POLA1: variants seen among roughly 807,000 people sequenced by gnomAD.
The protein encoded by POLA1 is DNA polymerase alpha catalytic subunit.
Under a neutral mutation model 124.0 loss-of-function variants are expected in POLA1, and 15 were observed. That is an observed-to-expected ratio of 0.12 (90% CI 0.08 to 0.19). POLA1 has a LOEUF of 0.19. Ranked by LOEUF, POLA1 falls within the 10% of genes least tolerant of loss-of-function variation. The pLI, the probability that POLA1 is intolerant of heterozygous loss-of-function variation, is 1.00. For synonymous variants in POLA1, 408 were observed against 389.4 expected (o/e 1.05, Z -0.56); for missense variants, 886 against 1,103.4 (o/e 0.80, Z 2.79).
chrX:24,914,520 C>G (rs1207980010), intron 35 of POLA1, among the ~76,000 whole-genome samples: 15 of 101,963 alleles, frequency 1.5e-4, no homozygotes, highest in Middle Eastern at 4.7e-3. Flanking sequence ...CATCTCCCCC[C>G]ACCCCCGCAA....
At chrX:24,951,689 T>C (rs897704796) in intron 36 of POLA1, among the ~76,000 whole-genome samples, 7 of 111,627 alleles carry the variant, frequency 6.3e-5, no homozygotes, top group African/African-American at 2.3e-4. Context: ...CATCTTAAAA[T>C]ATTAGTTATT....
At chrX:24,700,254 C>G (rs2148306675) in intron 2 of POLA1, among the ~76,000 whole-genome samples, 1 of 110,121 alleles carries the variant, frequency 9.1e-6, no homozygotes, top group African/African-American at 3.3e-5. Flanking sequence ...TTCATTTAAT[C>G]TTTTCAATAA....
chrX:24,841,539 C>A (rs1176567870), intron 32 of POLA1, 113 bp from the exon 33 acceptor site: 2 of 409,877 alleles, frequency 4.9e-6, no homozygotes, highest in East Asian at 4.2e-5. Flanking sequence ...CTTTTGAGTT[C>A]AAATGGTTGT....
chrX:24,856,271 G>A (rs1231471235), intron 34 of POLA1, among the ~76,000 whole-genome samples: 3 of 111,765 alleles, frequency 2.7e-5, no homozygotes. Flanking sequence ...TTGTCTTTTC[G>A]AGAATGTCAT....
intron 34 of POLA1, among the ~76,000 whole-genome samples, chrX:24,862,824 G>A (rs2046735914): frequency 8.9e-6 from 1 of 112,182 alleles, no homozygotes; most frequent in Non-Finnish European, 1.9e-5. Flanking sequence ...AATTTTAATG[G>A]ATGAATGAAT....
At position 24,955,873 on chromosome X, in the gene POLA1, A is replaced by G. The variant is rs148382888; in HGVS notation, c.4261+25324A>G. ...GTTTGTTATATTGTAGTTTTCAATAACAAGAGACACCTAAAACCATTTTTT... is the reference window on the plus strand; with the variant it reads ...GTTTGTTATATTGTAGTTTTCAATAGCAAGAGACACCTAAAACCATTTTTT... On this transcript the variant is annotated intron_variant, in intron 36 of 36. Transcript: ENST00000379068. Among the ~76,000 whole-genome samples the G allele has an allele frequency of 2.7e-3, 305 of 112,511 alleles. 2 individuals are homozygous for G. Among genetic ancestry groups the G allele is most frequent in the African/African-American group, 8.7e-3 (270 of 30,982 alleles).
At chrX:24,872,212 A>T (rs73471547) in intron 34 of POLA1, among the ~76,000 whole-genome samples, 6,524 of 111,779 alleles carry the variant, frequency 0.058, 456 homozygotes, top group African/African-American at 0.2. Flanking sequence ...ACTATCACAG[A>T]CAAAAAATTT....
At chrX:24,829,710 G>A (rs2046232922) in intron 32 of POLA1, among the ~76,000 whole-genome samples, 1 of 112,234 alleles carries the variant, frequency 8.9e-6, no homozygotes, top group African/African-American at 3.2e-5. Context: ...CGAGGCCCCT[G>A]TTATCAGTTC....
At chrX:24,927,885 A>G (rs2047718181) in intron 35 of POLA1, among the ~76,000 whole-genome samples, 1 of 112,327 alleles carries the variant, frequency 8.9e-6, no homozygotes, top group South Asian at 3.7e-4. Flanking sequence ...AGAATTTATC[A>G]TCAAAGGCAA....
At chrX:24,862,117 A>G (rs745341252) in intron 34 of POLA1, among the ~76,000 whole-genome samples, 6 of 112,000 alleles carry the variant, frequency 5.4e-5, no homozygotes, top group African/African-American at 1.9e-4. Flanking sequence ...CAGAAAATGT[A>G]TATTAGTGAT....
At chrX:24,929,710 A>T (rs1192481245) in intron 35 of POLA1, among the ~76,000 whole-genome samples, 1 of 112,349 alleles carries the variant, frequency 8.9e-6, no homozygotes, top group African/African-American at 3.2e-5. Context: ...TTTTTCCCAC[A>T]CAGAGTGAGA....
At chrX:24,783,524 A>G (rs754165098) in intron 26 of POLA1, among the ~76,000 whole-genome samples, 5 of 112,018 alleles carry the variant, frequency 4.5e-5, no homozygotes, top group African/African-American at 1.6e-4. Flanking sequence ...AGGAAAATCT[A>G]TTTTCCCCAT....
At chrX:24,971,987 A>ATTTTATTT (rs2048308204) in intron 36 of POLA1, among the ~76,000 whole-genome samples, 2 of 108,508 alleles carry the variant, frequency 1.8e-5, no homozygotes, top group East Asian at 2.8e-4. Context: ...ATTTTATTTT[A>ATTTTATTT]GACCGAGTTT....
intron 4 of POLA1, among the ~76,000 whole-genome samples, chrX:24,705,698 C>T (rs531729371): frequency 9.1e-6 from 1 of 110,095 alleles, no homozygotes; most frequent in Non-Finnish European, 1.9e-5. Flanking sequence ...ACACCTCCCC[C>T]CCTCCCCTGC....
intron 33 of POLA1, 72 bp downstream of exon 33, chrX:24,841,902 G>A: frequency 1.3e-6 from 1 of 776,157 alleles, no homozygotes; most frequent in Non-Finnish European, 1.9e-6. Context: ...CCACTATGGG[G>A]TATATAAAAA....
Position 24,848,397 on chromosome X carries a change from G to A in POLA1, c.4047+4720G>A, listed in dbSNP as rs370556157. ...ACCAATGATGCTGAGCCTTAGCATGGTAGCTGTGAGTTCTTTTGGACGAGG... is the reference window on the plus strand; with the variant it reads ...ACCAATGATGCTGAGCCTTAGCATGATAGCTGTGAGTTCTTTTGGACGAGG... On this transcript the variant is annotated intron_variant, in intron 34 of 36. Coordinates refer to ENST00000379068, the MANE Select transcript of POLA1 (RefSeq NM_001330360.2). Among the ~76,000 whole-genome samples the A allele has an allele frequency of 6.2e-5, 7 of 112,450 alleles. No homozygotes were observed. The East Asian group carries it at 1.7e-3, about 27-fold the overall frequency.
intron 32 of POLA1, 60 bp from the exon 33 acceptor site, chrX:24,841,592 C>T: frequency 2.9e-6 from 2 of 693,287 alleles, no homozygotes; most frequent in Non-Finnish European, 4.1e-6. Context: ...TGGGAGTTTT[C>T]TTCTTTGGGG....
intron 36 of POLA1, among the ~76,000 whole-genome samples, chrX:24,964,697 A>G (rs1373985345): frequency 8.9e-6 from 1 of 112,647 alleles, no homozygotes; most frequent in Non-Finnish European, 1.9e-5. Context: ...GGGGAAAAAC[A>G]TATGGTTCAA....
intron 26 of POLA1, among the ~76,000 whole-genome samples, chrX:24,809,309 ATC>A (rs1327858992): frequency 9.0e-6 from 1 of 111,574 alleles, no homozygotes; most frequent in African/African-American, 3.3e-5. Flanking sequence ...TAACCTAAAT[ATC>A]TCTGATCTGT....
Sources: allele counts gnomAD v4.1 joint callset (sites outside exome capture counted in the v4.1 genomes callset), GRCh38; gene constraint gnomAD v4.1.1; transcripts MANE v1.5; gene names NCBI Gene and HGNC (gene_info 2026-07-23, HGNC 2026-07-21).